The following NELL2 variants were observed in gnomAD, a reference collection of about 807,000 sequenced individuals.
The protein encoded by NELL2 is neural EGFL like 2.
In NELL2, 41 loss-of-function variants were observed where a neutral mutation model predicts 109.6. That is an observed-to-expected ratio of 0.37 (90% CI 0.29 to 0.49). The LOEUF is 0.49. NELL2 is among the 20% of genes least tolerant of loss of function. The probability of loss-of-function intolerance (pLI) is 0.98; values close to 1 mark genes in which losing one functional copy is unlikely to be tolerated. For synonymous variants in NELL2, 355 were observed against 344.7 expected (o/e 1.03, Z -0.33); for missense variants, 900 against 1,008.3 (o/e 0.89, Z 1.45).
intron 9 of NELL2, among the ~76,000 whole-genome samples, chr12:44,725,315 A>G (rs1450258302): frequency 6.6e-6 from 1 of 152,098 alleles, no homozygotes; most frequent in East Asian, 1.9e-4. Context: ...AAGAAACTAC[A>G]AACAGAGTAA....
intron 15 of NELL2, among the ~76,000 whole-genome samples, chr12:44,546,435 T>A (rs1942797928): frequency 6.6e-6 from 1 of 152,070 alleles, no homozygotes; most frequent in Admixed American, 6.6e-5. Context: ...TTGATACAAG[T>A]TTTTTAGCCA....
chr12:44,668,323 G>C (rs1250096945), intron 12 of NELL2, among the ~76,000 whole-genome samples: 1 of 152,120 alleles, frequency 6.6e-6, no homozygotes, highest in Non-Finnish European at 1.5e-5. Context: ...CAACGATCCT[G>C]CCCTCTCCAG....
At chr12:44,906,300 A>T (rs1485864225) in intron 1 of NELL2, among the ~76,000 whole-genome samples, 3 of 152,110 alleles carry the variant, frequency 2.0e-5, no homozygotes, top group Non-Finnish European at 2.9e-5. Flanking sequence ...CGGTTAAATT[A>T]TGTGAATTTT....
intron 13 of NELL2, among the ~76,000 whole-genome samples, chr12:44,620,259 G>A (rs1946005230): frequency 6.6e-6 from 1 of 151,822 alleles, no homozygotes; most frequent in South Asian, 2.1e-4. Flanking sequence ...CCTCAAATCT[G>A]TTTAACGACC....
intron 19 of NELL2, 63 bp from the exon 20 acceptor site, chr12:44,509,047 C>T: frequency 7.4e-7 from 1 of 1,359,144 alleles, no homozygotes; most frequent in Non-Finnish European, 1.0e-6. Context: ...TAAATGATCA[C>T]ATTTATTGAT....
chr12:44,653,050 A>G lies in NELL2; in HGVS notation c.1444+12434T>C, dbSNP rs1161785014. On this transcript the variant is annotated intron_variant, in intron 13 of 19. Coordinates refer to ENST00000429094, the MANE Select transcript of NELL2 (RefSeq NM_001145108.2). ...CATTTCAAGGTCCTTAACCTTAATCATATCTGAAAAATCCCTTGTGCCACG... is the reference window on the plus strand; with the variant it reads ...CATTTCAAGGTCCTTAACCTTAATCGTATCTGAAAAATCCCTTGTGCCACG... Among the ~76,000 whole-genome samples the G allele has an allele frequency of 2.6e-5, 4 of 152,302 alleles. No homozygotes were observed. In the East Asian group the frequency reaches 7.7e-4, roughly 29 times the overall value.
At chr12:44,884,839 A>C (rs540260670) in intron 1 of NELL2, among the ~76,000 whole-genome samples, 1 of 152,194 alleles carries the variant, frequency 6.6e-6, no homozygotes, top group Non-Finnish European at 1.5e-5. Context: ...AAAATTCAAC[A>C]CCTAGTCACA....
chr12:44,648,742 T>A (rs1355602894), intron 13 of NELL2, among the ~76,000 whole-genome samples: 18 of 140,340 alleles, frequency 1.3e-4, no homozygotes, highest in South Asian at 6.9e-4. Context: ...TTTTTTTTTT[T>A]TTTTTTTTTT....
chr12:44,674,305 T>C (rs1312803139), intron 12 of NELL2, among the ~76,000 whole-genome samples: 1 of 152,114 alleles, frequency 6.6e-6, no homozygotes, highest in East Asian at 1.9e-4. Context: ...AGTTCCTACA[T>C]TGTAAGTGCC....
chr12:44,784,182 TATAA>T (rs547299302), intron 3 of NELL2, among the ~76,000 whole-genome samples: 164 of 152,192 alleles, frequency 1.1e-3, no homozygotes, highest in African/African-American at 3.8e-3. Flanking sequence ...AAAAAGCAAC[TATAA>T]ATAAACTACA....
intron 1 of NELL2, among the ~76,000 whole-genome samples, chr12:44,881,480 TA>T (rs1182757285): frequency 6.6e-6 from 1 of 151,708 alleles, no homozygotes; most frequent in East Asian, 1.9e-4. Context: ...TAATTGAAAT[TA>T]AAAACAAATA....
chr12:44,799,083 C>T (rs191187657), intron 3 of NELL2, among the ~76,000 whole-genome samples: 4 of 150,870 alleles, frequency 2.7e-5, no homozygotes, highest in African/African-American at 4.9e-5. Flanking sequence ...CTCAGCCTCC[C>T]GAGTAGCTAG....
chr12:44,783,772 C>T (rs1486529482), intron 3 of NELL2, among the ~76,000 whole-genome samples: 1 of 151,998 alleles, frequency 6.6e-6, no homozygotes, highest in Non-Finnish European at 1.5e-5. Flanking sequence ...ATGAATTCTA[C>T]ACAATCGCTT....
At chr12:44,645,836 CT>C (rs1947076302) in intron 13 of NELL2, among the ~76,000 whole-genome samples, 1 of 152,098 alleles carries the variant, frequency 6.6e-6, no homozygotes, top group African/African-American at 2.4e-5. Flanking sequence ...CTATACACTC[CT>C]TAATTCCTAA....
At chr12:44,687,127 G>A (rs1329554248) in intron 12 of NELL2, among the ~76,000 whole-genome samples, 5 of 152,198 alleles carry the variant, frequency 3.3e-5, no homozygotes, top group Middle Eastern at 3.2e-3. Flanking sequence ...TTTTAAGCCC[G>A]TCGGAAATGC....
chr12:44,662,594 C>A (rs1034904668), intron 13 of NELL2, among the ~76,000 whole-genome samples: 3 of 152,148 alleles, frequency 2.0e-5, no homozygotes, highest in Admixed American at 2.0e-4. Flanking sequence ...TAACTCAAAT[C>A]ATCTGAAACT....
At chr12:44,729,738 G>A (rs1369848492) in intron 9 of NELL2, among the ~76,000 whole-genome samples, 1 of 151,382 alleles carries the variant, frequency 6.6e-6, no homozygotes, top group Non-Finnish European at 1.5e-5. Context: ...TTACAGGCAT[G>A]CGCCTGTACT....
chr12:44,516,901 CT>C (rs5797903), intron 19 of NELL2, among the ~76,000 whole-genome samples: 2,177 of 135,066 alleles, frequency 0.016, 58 homozygotes, highest in African/African-American at 0.05. Context: ...GTAGTTGTGA[CT>C]TTTTTTTTTT....
chr12:44,831,990 T>G (rs573224324), intron 2 of NELL2, among the ~76,000 whole-genome samples: 1 of 152,238 alleles, frequency 6.6e-6, no homozygotes, highest in Non-Finnish European at 1.5e-5. Flanking sequence ...CGTTCAAATG[T>G]TCCCCGTGGG....
Sources: allele counts gnomAD v4.1 joint callset (sites outside exome capture counted in the v4.1 genomes callset), GRCh38; gene constraint gnomAD v4.1.1; transcripts MANE v1.5; gene names NCBI Gene and HGNC (gene_info 2026-07-23, HGNC 2026-07-21).